Variants in PTPRG observed in about 807,000 individuals in gnomAD.
PTPRG encodes the protein receptor-type tyrosine-protein phosphatase gamma.
A neutral mutation model predicts 165.3 loss-of-function variants in PTPRG; 102 were observed. That is an observed-to-expected ratio of 0.62 (90% CI 0.53 to 0.73). The LOEUF (loss-of-function observed/expected upper bound fraction) is 0.73. Among genes scored for constraint, PTPRG ranks in the 30% least tolerant of loss-of-function variants. The probability of loss-of-function intolerance (pLI) is 0.00; values close to 1 mark genes in which losing one functional copy is unlikely to be tolerated. For synonymous variants in PTPRG, 675 were observed against 669.5 expected, an observed-to-expected ratio of 1.01 and a Z score of -0.13; for missense variants, 1,866 against 1,861.4, an observed-to-expected ratio of 1.00 and a Z score of -0.05.
chr3:61,651,702 C>G (rs1305055144), intron 1 of PTPRG, among the ~76,000 whole-genome samples: 1 of 152,118 alleles, frequency 6.6e-6, no homozygotes, highest in African/African-American at 2.4e-5. Flanking sequence ...ATATATTGAT[C>G]CATGTAAGTC....
At chr3:62,007,897 G>C (rs1489346299) in intron 4 of PTPRG, among the ~76,000 whole-genome samples, 1 of 152,214 alleles carries the variant, frequency 6.6e-6, no homozygotes, top group African/African-American at 2.4e-5. Context: ...GCAAGATAAT[G>C]TCTCTTCTTC....
rs188783516 is a variant in PTPRG, at chr3:62,294,110, A to T, written c.*803A>T. 10 of 152,412 alleles carry T rather than the reference A, an allele frequency of 6.6e-5. No homozygotes were observed. In the East Asian group the frequency reaches 1.9e-3, roughly 29 times the overall value. 9.4% of individuals were successfully genotyped at this position (152,412 alleles called of 1,614,324 possible). A position where few individuals can be genotyped will look rare whatever the true frequency, so the allele number is the denominator to read the frequency against. Reference sequence around the variant, plus strand: ...GGGCTATCTTTAACAATAGCAAGATAGCAATATTATATACAACTCAGTTAT... The same window carrying T: ...GGGCTATCTTTAACAATAGCAAGATTGCAATATTATATACAACTCAGTTAT... On this transcript the variant is annotated 3_prime_UTR_variant, in exon 30 of 30. Transcript: ENST00000474889.
chr3:62,048,191 AG>A (rs372283937), intron 4 of PTPRG, among the ~76,000 whole-genome samples: 33 of 151,980 alleles, frequency 2.2e-4, no homozygotes, highest in Admixed American at 5.9e-4. Flanking sequence ...ACTTAAAAAA[AG>A]AAGAAAGAAA....
At chr3:61,742,694 T>C in intron 1 of PTPRG, 1 of 1,606,228 alleles carries the variant, frequency 6.2e-7, no homozygotes, top group South Asian at 1.1e-5. Context: ...TCGTTGTGTG[T>C]GAGCAGGGAA....
intron 4 of PTPRG, among the ~76,000 whole-genome samples, chr3:62,025,056 A>T (rs2041775949): frequency 6.6e-6 from 1 of 152,176 alleles, no homozygotes; most frequent in South Asian, 2.1e-4. Context: ...GTTAGAAGGG[A>T]GAGCTTTATA....
intron 2 of PTPRG, among the ~76,000 whole-genome samples, chr3:61,955,427 C>A (rs1193553989): frequency 6.6e-6 from 1 of 152,124 alleles, no homozygotes; most frequent in African/African-American, 2.4e-5. Context: ...ATATTTGTAA[C>A]CTGCAATGCT....
At chr3:61,851,545 T>C (rs779787037) in intron 2 of PTPRG, among the ~76,000 whole-genome samples, 1 of 152,224 alleles carries the variant, frequency 6.6e-6, no homozygotes, top group Non-Finnish European at 1.5e-5. Flanking sequence ...TTTCCAAATG[T>C]GCTTTTCACA....
intron 2 of PTPRG, among the ~76,000 whole-genome samples, chr3:61,909,013 G>T (rs921582154): frequency 6.6e-6 from 1 of 152,110 alleles, no homozygotes; most frequent in African/African-American, 2.4e-5. Context: ...AAGGATTTTT[G>T]TGTTTGCAAA....
intron 1 of PTPRG, among the ~76,000 whole-genome samples, chr3:61,600,802 A>C (rs1575529417): frequency 6.6e-6 from 1 of 152,142 alleles, no homozygotes; most frequent in South Asian, 2.1e-4. Flanking sequence ...CGGTGTCCCA[A>C]AGTGCTGGGA....
At chr3:62,091,631 G>A (rs1340135442) in intron 5 of PTPRG, among the ~76,000 whole-genome samples, 2 of 152,142 alleles carry the variant, frequency 1.3e-5, no homozygotes, top group African/African-American at 4.8e-5. Flanking sequence ...CCCTATGTAT[G>A]CTGGAAATGT....
intron 1 of PTPRG, among the ~76,000 whole-genome samples, chr3:61,593,619 T>A (rs780509478): frequency 6.6e-6 from 1 of 151,888 alleles, no homozygotes; most frequent in Non-Finnish European, 1.5e-5. Flanking sequence ...CATTTACTTA[T>A]CAGCTCTTGT....
intron 2 of PTPRG, among the ~76,000 whole-genome samples, chr3:61,886,912 CT>C (rs780604752): frequency 2.7e-3 from 367 of 138,254 alleles, no homozygotes; most frequent in Middle Eastern, 7.2e-3. Context: ...GAGGACTGGA[CT>C]TTTTTTTTTT....
chr3:61,562,230 G>C lies in PTPRG; in HGVS notation c.-58G>C. 2 of 1,502,196 alleles carry C rather than the reference G, an allele frequency of 1.3e-6. No individual in the cohort carries two copies. Among genetic ancestry groups the C allele is most frequent in the Middle Eastern group, 3.5e-4 (2 of 5,688 alleles). The allele number at this position is 1,502,196 out of a possible 1,614,324, so 93.1% of individuals were successfully genotyped here. A position where few individuals can be genotyped will look rare whatever the true frequency, so the allele number is the denominator to read the frequency against. On this transcript the variant is annotated 5_prime_UTR_variant, in exon 1 of 30. Transcript: ENST00000474889. ...TTAGCGGAGGCTCGCACGGAGGCAA[G>C]AACTTATTCAACAAGTTTACCTCCC...
At chr3:61,562,489 G>T (rs1699783655) in intron 1 of PTPRG, 117 bp downstream of exon 1, 1 of 889,190 alleles carries the variant, frequency 1.1e-6, no homozygotes, top group African/African-American at 1.7e-5. Flanking sequence ...AGGGTGGAGG[G>T]TGGCCCGGCG....
intron 2 of PTPRG, among the ~76,000 whole-genome samples, chr3:61,839,163 A>T (rs970874175): frequency 6.6e-6 from 1 of 152,226 alleles, no homozygotes; most frequent in Non-Finnish European, 1.5e-5. Flanking sequence ...AAGTAACATC[A>T]CTGAGAAAAG....
chr3:62,143,868 C>T (rs1393767521), intron 6 of PTPRG, among the ~76,000 whole-genome samples: 2 of 152,102 alleles, frequency 1.3e-5, no homozygotes, highest in East Asian at 1.9e-4. Flanking sequence ...TGACTTTCTG[C>T]CTTGTAAAAT....
chr3:61,974,263 A>T (rs185849209), intron 2 of PTPRG, among the ~76,000 whole-genome samples: 7 of 152,154 alleles, frequency 4.6e-5, no homozygotes, highest in African/African-American at 1.7e-4. Flanking sequence ...TTCTACCTTA[A>T]TCTTGCAACG....
At position 61,715,034 on chromosome 3, in the gene PTPRG, G is replaced by T. The variant is rs545195931; in HGVS notation, c.86-33844G>T. 2.6e-5 allele frequency among the ~76,000 whole-genome samples: 4 copies of T among 152,330 alleles called. No homozygotes were observed. The South Asian group carries it at 8.3e-4, about 32-fold the overall frequency. On this transcript the variant is annotated intron_variant, in intron 1 of 29. Coordinates refer to ENST00000474889, the MANE Select transcript of PTPRG (RefSeq NM_002841.4). ...GAAGCTCCCAGAATAGAGAGGCAAAGTGAAGAAACATTGCTGGTCATGGGC... is the reference window on the plus strand; with the variant it reads ...GAAGCTCCCAGAATAGAGAGGCAAATTGAAGAAACATTGCTGGTCATGGGC...
intron 3 of PTPRG, among the ~76,000 whole-genome samples, chr3:61,990,625 A>G (rs1488439824): frequency 6.6e-6 from 1 of 152,228 alleles, no homozygotes; most frequent in African/African-American, 2.4e-5. Context: ...GGGATGTTAT[A>G]TTACATCTCT....
Sources: allele counts gnomAD v4.1 joint callset (sites outside exome capture counted in the v4.1 genomes callset), GRCh38; gene constraint gnomAD v4.1.1; transcripts MANE v1.5; gene names NCBI Gene and HGNC (gene_info 2026-07-23, HGNC 2026-07-21).